The following ABCA2 variants were observed in gnomAD, a reference collection of about 807,000 sequenced individuals.
ABCA2 encodes the protein ATP binding cassette subfamily A member 2.
Under a neutral mutation model 262.8 loss-of-function variants are expected in ABCA2, and 84 were observed. The observed-to-expected ratio is 0.32, with a 90% CI of 0.27 to 0.38. The LOEUF (loss-of-function observed/expected upper bound fraction) is 0.38. Ranked by LOEUF, ABCA2 falls within the 10% of genes least tolerant of loss-of-function variation. ABCA2 has a pLI of 1.00. For synonymous variants in ABCA2, 1,696 were observed against 1,502.9 expected (o/e 1.13, Z -2.97); for missense variants, 2,662 against 3,405.9 (o/e 0.78, Z 5.44).
At chr9:137,020,582 G>A (rs1028829646) in intron 9 of ABCA2, 87 bp from the exon 10 acceptor site, 94 of 1,546,044 alleles carry the variant, frequency 6.1e-5, no homozygotes, top group African/African-American at 8.1e-5. Context: ...GCAGGACTTC[G>A]GGGCACAGGG....
chr9:137,010,160 G>A (rs757375891), intron 41 of ABCA2, 33 bp downstream of exon 41: 37 of 1,592,534 alleles, frequency 2.3e-5, no homozygotes, highest in Middle Eastern at 1.7e-4. Flanking sequence ...GTGAGGACGC[G>A]GCGGCCCCGC....
In ABCA2 at chr9:137,013,751, C is replaced by G. The variant is rs534925361; in HGVS notation, c.4447+81G>C. The G allele has an allele frequency of 2.7e-6, 4 of 1,486,318 alleles. No homozygotes were observed. The Admixed American group carries it at 5.9e-5, about 22-fold the overall frequency. The allele number at this position is 1,486,318 out of a possible 1,614,324, so 92.1% of individuals were successfully genotyped here. ...TGGGGTGAGGCCCAGAGTCAGGAAG[C>G]TCAGGAGTGGGCATCATCAGGGCTC... On this transcript the variant is annotated intron_variant, in intron 28 of 48. Coordinates refer to ENST00000341511, the MANE Select transcript of ABCA2 (RefSeq NM_001606.5).
chr9:137,023,716 G>A, intron 3 of ABCA2, 122 bp downstream of exon 3: 1 of 704,078 alleles, frequency 1.4e-6, no homozygotes, highest in Non-Finnish European at 2.6e-6. Flanking sequence ...CTGTTCCTGA[G>A]GCCGGCAGGG....
Position 137,010,076 on chromosome 9 carries a change from C to T in ABCA2, c.6402G>A (p.Pro2134=), listed in dbSNP as rs985955422. The change falls in exon 42 of 49, where the codon CCG becomes CCA. Residue 2134 remains proline (P), a synonymous_variant. Transcript: ENST00000341511. The stretch of plus-strand genomic sequence containing the variant: ...GCTCGTCGAACAGCGCGTCACACTG[C>T]GGGCAGTAGCCGAGGCTCTGCTGCA... The part of the protein sequence containing the change: ...LQVQQSLGYC[P]QCDALFDELT... The T allele has an allele frequency of 1.2e-5, 19 of 1,599,382 alleles. No individual in the cohort carries two copies. Among genetic ancestry groups the T allele is most frequent in the South Asian group, 2.2e-5 (2 of 90,092 alleles).
intron 32 of ABCA2, 38 bp from the exon 33 acceptor site, chr9:137,012,414 TC>T (rs771267120): frequency 2.5e-6 from 4 of 1,604,450 alleles, no homozygotes; most frequent in Non-Finnish European, 3.4e-6. Flanking sequence ...CCCCAGGACC[TC>T]AGACCTGGGT....
intron 3 of ABCA2, 51 bp from the exon 4 acceptor site, chr9:137,023,103 G>A (rs1256739077): frequency 1.4e-5 from 20 of 1,395,932 alleles, no homozygotes; most frequent in Non-Finnish European, 1.8e-5. Flanking sequence ...GGGAGAGAGA[G>A]AGAGAGGAAT....
rs757862364 is a variant in ABCA2 at position 137,018,966 on chromosome 9, G to A, written c.1659C>T (p.Ala553=). ...QDNFSLPSGM[A]LLQQLDTIDN... ...CAATGGTATCCAGCTGCTGCAGGAG[G>A]GCCATGCCACTGGGCAGCGAGAAGT... Residue 553 remains alanine, a synonymous_variant, in exon 12 of 49, where the codon GCC becomes GCT. Transcript: ENST00000341511. The A allele has an allele frequency of 7.4e-6, 12 of 1,613,040 alleles. No homozygotes were observed. In the South Asian group the frequency reaches 1.3e-4, roughly 18 times the overall value.
intron 45 of ABCA2, 82 bp downstream of exon 45, chr9:137,009,288 A>G: frequency 9.6e-7 from 1 of 1,038,494 alleles, no homozygotes; most frequent in Non-Finnish European, 1.3e-6. Context: ...ACAGCCCTGC[A>G]GCCACCCCCA....
Position 137,008,947 on chromosome 9 carries a change from G to C in ABCA2, c.6930+4C>G, listed in dbSNP as rs753112833. 2 of 1,552,576 alleles carry C rather than the reference G, an allele frequency of 1.3e-6. No homozygotes were observed. The highest frequency in any genetic ancestry group is 8.7e-7 in the Non-Finnish European group (1 of 1,151,488). Reference sequence around the variant, plus strand: ...CCTCCACAACCCTGCCCGGGACGGCGCACCTTGAGCATGGCTTCCGGGAAG... The same window carrying C: ...CCTCCACAACCCTGCCCGGGACGGCCCACCTTGAGCATGGCTTCCGGGAAG... On this transcript the variant is annotated splice_donor_region_variant and intron_variant, in intron 46 of 48. Coordinates refer to ENST00000341511, the MANE Select transcript of ABCA2 (RefSeq NM_001606.5).
In ABCA2 at chr9:137,012,249, G is replaced by A. The variant is rs773488771; in HGVS notation, c.5299+16C>T. ...GCTCCTCCCCGCCCCGCCCCGCCCT[G>A]CCTATGTCAGCTCACCGTAAGCCGC... On this transcript the variant is annotated intron_variant, in intron 33 of 48. Coordinates refer to ENST00000341511, the MANE Select transcript of ABCA2 (RefSeq NM_001606.5). 1 of 875,072 alleles carries A rather than the reference G, an allele frequency of 1.1e-6. No homozygotes were observed. Among genetic ancestry groups the A allele is most frequent in the Non-Finnish European group, 1.7e-6 (1 of 586,450 alleles). 54.2% of individuals were successfully genotyped at this position (875,072 alleles called of 1,614,324 possible).
Position 137,016,272 on chromosome 9 carries a change from C to T in ABCA2, c.3104+19G>A, listed in dbSNP as rs372793796. ...CTCTGGTCAGCAGATGCCCACCGCCCTGCCCCTCCGACACTCACATGGTGG... is the reference window on the plus strand; with the variant it reads ...CTCTGGTCAGCAGATGCCCACCGCCTTGCCCCTCCGACACTCACATGGTGG... On this transcript the variant is annotated intron_variant, in intron 21 of 48. Coordinates refer to ENST00000341511, the MANE Select transcript of ABCA2 (RefSeq NM_001606.5). 347 of 1,612,040 alleles carry T rather than the reference C, an allele frequency of 2.2e-4. No homozygotes were observed. Among genetic ancestry groups the T allele is most frequent in the Non-Finnish European group, 2.8e-4 (334 of 1,179,662 alleles).
intron 1 of ABCA2, among the ~76,000 whole-genome samples, chr9:137,026,376 AG>A (rs1831654800): frequency 6.6e-6 from 1 of 152,198 alleles, no homozygotes; most frequent in Non-Finnish European, 1.5e-5. Context: ...TGGCCCCAAG[AG>A]TCCAGCTCTG....
rs765960467 is a variant in ABCA2 at position 137,009,325 on chromosome 9, C to CG, written c.6827+44_6827+45insC. The stretch of plus-strand genomic sequence containing the variant: ...TCCTGGCCCCGCTGCCTGGCCGCCC[C>CG]CCCCGGGCCCGCCCCAGCCCACCCC... On this transcript the variant is annotated intron_variant, in intron 45 of 48. Coordinates refer to ENST00000341511, the MANE Select transcript of ABCA2 (RefSeq NM_001606.5). 4.7e-6 allele frequency: 5 copies of CG among 1,054,996 alleles called. No homozygotes were observed. The East Asian group carries it at 1.3e-4, about 27-fold the overall frequency. The allele number at this position is 1,054,996 out of a possible 1,614,324, so 65.4% of individuals were successfully genotyped here.
chr9:137,024,670 C>T (rs1183383197), intron 1 of ABCA2, among the ~76,000 whole-genome samples: 2 of 152,258 alleles, frequency 1.3e-5, no homozygotes, highest in African/African-American at 4.8e-5. Context: ...CACTTCCTCC[C>T]CACCAATACC....
chr9:137,023,086 G>T, intron 3 of ABCA2, 34 bp from the exon 4 acceptor site: 1 of 1,503,352 alleles, frequency 6.7e-7, no homozygotes, highest in Non-Finnish European at 9.1e-7. Flanking sequence ...AGGGTCGGGG[G>T]TGAAAGGGGA....
At position 137,017,495 on chromosome 9, in the gene ABCA2, C is replaced by T. The variant is rs373650882; in HGVS notation, c.2402+7G>A. ...CCCAGGTCCCTCCTACCATGGCCCG[C>T]GCTCACCAGAACATGATGGTGGCCA... On this transcript the variant is annotated splice_region_variant and intron_variant, in intron 17 of 48. Coordinates refer to ENST00000341511, the MANE Select transcript of ABCA2 (RefSeq NM_001606.5). The T allele has an allele frequency of 2.1e-5, 34 of 1,604,888 alleles. 1 individual carries two copies. In the African/African-American group the frequency reaches 2.3e-4, roughly 11 times the overall value.
Position 137,011,593 on chromosome 9 carries a change from C to G in ABCA2, c.5652-39G>C, listed in dbSNP as rs774982116. 1.9e-5 allele frequency: 29 copies of G among 1,558,132 alleles called. No individual in the cohort carries two copies. Among genetic ancestry groups the G allele is most frequent in the Non-Finnish European group, 2.3e-5 (27 of 1,151,346 alleles). ...GCGGGCAGTGGTCACCAGGCAGCCCCGGTCCCACCTGAGGCCGCTCCCCCC... is the reference window on the plus strand; with the variant it reads ...GCGGGCAGTGGTCACCAGGCAGCCCGGGTCCCACCTGAGGCCGCTCCCCCC... On this transcript the variant is annotated intron_variant, in intron 36 of 48. Transcript: ENST00000341511. The surrounding 1 kb of genome is among the most constrained non-coding windows in gnomAD (Gnocchi z 8.8).
chr9:137,009,916 C>G lies in ABCA2; in HGVS notation c.6496-13G>C. 1.2e-6 allele frequency: 2 copies of G among 1,602,964 alleles called. No individual in the cohort carries two copies. The highest frequency in any genetic ancestry group is 1.7e-6 in the Non-Finnish European group (2 of 1,173,334). On this transcript the variant is annotated splice_polypyrimidine_tract_variant and intron_variant, in intron 42 of 48. Coordinates refer to ENST00000341511, the MANE Select transcript of ABCA2 (RefSeq NM_001606.5). ...CCCACTTCACCACCTGGCCAGGGAA[C>G]GCAGGTGTCAGTGGAGGCAGGGCCA...
intron 4 of ABCA2, 22 bp downstream of exon 4, chr9:137,022,919 C>T (rs752871885): frequency 4.0e-5 from 27 of 675,076 alleles, no homozygotes; most frequent in Non-Finnish European, 3.3e-5. Flanking sequence ...GTGGGTGCTC[C>T]GAGGGGCGGG....
Sources: gnomAD v4.1 joint callset for allele counts (sites outside exome capture counted in the v4.1 genomes callset) on GRCh38, gnomAD v4.1.1 for gene constraint, Gnocchi (gnomAD v3.1) non-coding constraint, MANE v1.5 for transcripts, NCBI Gene and HGNC (gene_info 2026-07-23, HGNC 2026-07-21) for gene names.